Variants in SLF2 observed in about 807,000 individuals in gnomAD.
The protein encoded by SLF2 is SMC5/6 complex localization factor 2.
SLF2 carries 68 observed loss-of-function variants against 124.3 expected under a neutral mutation model. The ratio of observed to expected loss-of-function variants is 0.55; its 90% CI spans 0.45 to 0.67. The LOEUF (loss-of-function observed/expected upper bound fraction) is 0.67. Among genes scored for constraint, SLF2 ranks in the 30% least tolerant of loss-of-function variants. The pLI is 0.00. For synonymous variants in SLF2, 480 were observed against 478.8 expected, an observed-to-expected ratio of 1.00 and a Z score of -0.03; for missense variants, 1,246 against 1,373.7, an observed-to-expected ratio of 0.91 and a Z score of 1.47.
Position 100,924,695 on chromosome 10 carries a change from G to T in SLF2, c.1694G>T (p.Cys565Phe). The stretch of plus-strand genomic sequence containing the variant: ...CCTGCTGCTTTGGAAGTTGTGCCAT[G>T]TATCCCAAGCCCTGCAGCACCTTCA... ...SPPAALEVVP[C>F]IPSPAAPSDK... Residue 565 changes from cysteine to phenylalanine, a missense_variant, in exon 5 of 20, where the codon TGT becomes TTT. Coordinates refer to ENST00000238961, the MANE Select transcript of SLF2 (RefSeq NM_018121.4). 6.2e-7 allele frequency: 1 copy of T among 1,614,144 alleles called. No homozygotes were observed. Among genetic ancestry groups the T allele is most frequent in the South Asian group, 1.1e-5 (1 of 91,080 alleles).
intron 15 of SLF2, among the ~76,000 whole-genome samples, chr10:100,948,173 G>A (rs903836837): frequency 1.1e-4 from 17 of 152,310 alleles, no homozygotes; most frequent in African/African-American, 3.8e-4. Flanking sequence ...TTCCAAGTTA[G>A]CAATTTTATC....
intron 9 of SLF2, among the ~76,000 whole-genome samples, chr10:100,932,714 TGTGTGTGCGCGC>T (rs1289995527): frequency 5.5e-4 from 51 of 92,732 alleles, no homozygotes; most frequent in Admixed American, 8.8e-4. Flanking sequence ...TGTGTGTGTG[TGTGTGTGCGCGC>T]GCGCGCGCGC....
chr10:100,928,079 C>CAGAGAGAGAGAGAGAGAGAG (rs71013474), intron 6 of SLF2, among the ~76,000 whole-genome samples: 9 of 113,090 alleles, frequency 8.0e-5, no homozygotes, highest in African/African-American at 3.2e-4. Flanking sequence ...GAGAGAGAGA[C>CAGAGAGAGAGAGAGAGAGAG]AGAGAGAGAG....
At chr10:100,956,573 C>G in intron 18 of SLF2, 36 bp downstream of exon 18, 1 of 1,323,652 alleles carries the variant, frequency 7.6e-7, no homozygotes, top group Non-Finnish European at 1.0e-6. Flanking sequence ...TTTTTTTTTT[C>G]TTAATCTTGG....
chr10:100,921,562 C>A (rs147027944), intron 4 of SLF2, among the ~76,000 whole-genome samples: 1 of 152,302 alleles, frequency 6.6e-6, no homozygotes, highest in Admixed American at 6.5e-5. Flanking sequence ...TAAAGGGGAT[C>A]CTACCTGCAG....
chr10:100,934,512 T>TC (rs1166308629), intron 9 of SLF2, among the ~76,000 whole-genome samples: 1 of 152,194 alleles, frequency 6.6e-6, no homozygotes, highest in Non-Finnish European at 1.5e-5. Flanking sequence ...AGTTTTTTTT[T>TC]CACATAGATT....
At chr10:100,930,585 A>G (rs553075187) in intron 8 of SLF2, among the ~76,000 whole-genome samples, 20 of 152,360 alleles carry the variant, frequency 1.3e-4, no homozygotes. Flanking sequence ...GGGATGTGCA[A>G]CTAGTAATCT....
In SLF2 at chr10:100,929,916, G is replaced by T; in HGVS notation, c.2252G>T (p.Gly751Val). 1 of 1,602,316 alleles carries T rather than the reference G, an allele frequency of 6.2e-7. No homozygotes were observed. The highest frequency in any genetic ancestry group is 1.1e-5 in the South Asian group (1 of 88,518). ...GAAATATTTAATTTCCTCAATTCTGGAAAAATTTTCAATCAGTATACCTTG... is the reference window on the plus strand; with the variant it reads ...GAAATATTTAATTTCCTCAATTCTGTAAAAATTTTCAATCAGTATACCTTG... ...GEEIFNFLNSGKIFNQYTLDL... is the reference protein window; with the variant it reads ...GEEIFNFLNSVKIFNQYTLDL... The change falls in exon 8 of 20, where the codon GGA (glycine) becomes GTA (valine). Residue 751 changes from glycine (G) to valine (V), a missense_variant. Physicochemically the swap from Gly to Val is moderately radical, Grantham distance 109. This residue lies in a region of SLF2 where 535 missense variants were observed against 632.8 expected (regional missense o/e 0.85). Coordinates refer to ENST00000238961, the MANE Select transcript of SLF2 (RefSeq NM_018121.4).
At chr10:100,952,725 G>C (rs980131537) in intron 17 of SLF2, among the ~76,000 whole-genome samples, 3 of 151,754 alleles carry the variant, frequency 2.0e-5, no homozygotes, top group African/African-American at 7.3e-5. Flanking sequence ...GATCACCTGA[G>C]ATCAGGAGTT....
At position 100,929,995 on chromosome 10, in the gene SLF2, T is replaced by C. The variant is rs1171267604; in HGVS notation, c.2331T>C (p.Leu777=). Residue 777 remains leucine (L), a splice_region_variant and synonymous_variant, in exon 8 of 20, where the codon CTT becomes CTC. Coordinates refer to ENST00000238961, the MANE Select transcript of SLF2 (RefSeq NM_018121.4). ...AAAGTGCTGTAGAAAAACTTATTCT[T>C]AAGTAAGTAGAAAAATAGACATTTT... is the stretch of plus-strand genomic sequence containing the variant. ...IGQSAVEKLI[L]KSGKTDQIFL... The C allele has an allele frequency of 2.0e-6, 3 of 1,507,696 alleles. No homozygotes were observed. Among genetic ancestry groups the C allele is most frequent in the Non-Finnish European group, 2.7e-6 (3 of 1,124,530 alleles). 93.4% of individuals were successfully genotyped at this position (1,507,696 alleles called of 1,614,324 possible).
At chr10:100,944,909 T>A (rs1589960932) in intron 12 of SLF2, among the ~76,000 whole-genome samples, 1 of 151,976 alleles carries the variant, frequency 6.6e-6, no homozygotes, top group African/African-American at 2.4e-5. Flanking sequence ...AGGTGCCTGT[T>A]ATCCCAGCTA....
At chr10:100,935,985 A>G (rs1329679670) in intron 9 of SLF2, among the ~76,000 whole-genome samples, 18 of 150,100 alleles carry the variant, frequency 1.2e-4, no homozygotes, top group Non-Finnish European at 2.2e-4. Context: ...CAGCCCCCCA[A>G]GTAGCTGGGA....
chr10:100,943,624 C>A (rs939013414), intron 11 of SLF2: 1 of 154,314 alleles, frequency 6.5e-6, no homozygotes, highest in Non-Finnish European at 1.4e-5. Context: ...ATTTATGAGT[C>A]TTTTACCTAT....
At chr10:100,941,533 A>T (rs1013579382) in intron 11 of SLF2, among the ~76,000 whole-genome samples, 5 of 152,146 alleles carry the variant, frequency 3.3e-5, no homozygotes, top group African/African-American at 1.2e-4. Flanking sequence ...TCTTTCTTCC[A>T]GGGCCTTTCC....
intron 17 of SLF2, 149 bp from the exon 18 acceptor site, chr10:100,956,302 C>G (rs1192363370): frequency 1.0e-5 from 6 of 579,458 alleles, no homozygotes; most frequent in Non-Finnish European, 1.8e-5. Context: ...TTCACTGATA[C>G]AACTACTGTT....
In SLF2 at chr10:100,956,520, CTT is replaced by C; in HGVS notation, c.3405_3406del (p.Phe1135LeufsTer4). The C allele has an allele frequency of 6.2e-7, 1 of 1,610,452 alleles. No individual in the cohort carries two copies. The highest frequency in any genetic ancestry group is 8.5e-7 in the Non-Finnish European group (1 of 1,178,164). ...VKCDIREDAR[L>X]FYRTKVKDLV... The stretch of plus-strand genomic sequence containing the variant: ...ATGTGATATTAGGGAAGATGCAAGA[CTT>C]TTTTACAGAACTAAGGTAAGTGTGT... On this transcript the variant is annotated frameshift_variant, in exon 18 of 20. Coordinates refer to ENST00000238961, the MANE Select transcript of SLF2 (RefSeq NM_018121.4). LOFTEE classifies it high-confidence loss of function.
chr10:100,955,049 C>T (rs1252710288), intron 17 of SLF2, among the ~76,000 whole-genome samples: 1 of 151,428 alleles, frequency 6.6e-6, no homozygotes, highest in East Asian at 1.9e-4. Context: ...ACGCCATTCT[C>T]CTGCCCCAGC....
chr10:100,946,911 A>G (rs1211315755), intron 13 of SLF2, 128 bp from the exon 14 acceptor site: 5 of 709,698 alleles, frequency 7.0e-6, no homozygotes, highest in South Asian at 6.7e-5. Flanking sequence ...ACTCCATGCT[A>G]TTTCTAAAAA....
At chr10:100,959,123 G>C (rs896887918) in intron 18 of SLF2, among the ~76,000 whole-genome samples, 1 of 152,198 alleles carries the variant, frequency 6.6e-6, no homozygotes, top group East Asian at 1.9e-4. Context: ...AAAAGCCAGC[G>C]AGTTAAAGTT....
Sources: allele counts gnomAD v4.1 joint callset (sites outside exome capture counted in the v4.1 genomes callset), GRCh38; gene constraint gnomAD v4.1.1; regional missense constraint gnomAD v4.1.1; transcripts MANE v1.5; gene names NCBI Gene and HGNC (gene_info 2026-07-23, HGNC 2026-07-21).